The following SCYL2 variants were observed in gnomAD, a reference collection of about 807,000 sequenced individuals.
SCYL2 encodes SCY1-like protein 2.
SCYL2 carries 36 observed loss-of-function variants against 100.4 expected under a neutral mutation model. That is an observed-to-expected ratio of 0.36 (90% CI 0.27 to 0.47). SCYL2 has a LOEUF of 0.47. SCYL2 is among the 20% of genes least tolerant of loss of function. The pLI is 1.00. For synonymous variants in SCYL2, 330 were observed against 359.2 expected (o/e 0.92, Z 0.92); for missense variants, 902 against 1,083.9 (o/e 0.83, Z 2.36).
chr12:100,317,627 C>G, intron 9 of SCYL2, 176 bp from the exon 10 acceptor site: 2 of 1,371,294 alleles, frequency 1.5e-6, no homozygotes, highest in Non-Finnish European at 1.9e-6. Context: ...AAATATTGTG[C>G]CTCCAGAAAT....
intron 12 of SCYL2, among the ~76,000 whole-genome samples, chr12:100,327,542 T>C (rs1019774688): frequency 1.3e-5 from 2 of 150,506 alleles, no homozygotes; most frequent in Non-Finnish European, 3.0e-5. Context: ...TGAGATGGAG[T>C]CTCATTCTGT....
rs1448901684 is a variant in SCYL2, at chr12:100,312,518, T to C, written c.717T>C (p.Leu239=). 6.2e-7 allele frequency: 1 copy of C among 1,613,716 alleles called. No individual in the cohort carries two copies. Among genetic ancestry groups the C allele is most frequent in the Non-Finnish European group, 8.5e-7 (1 of 1,179,828 alleles). The change falls in exon 6 of 18, where the codon CTT becomes CTC. Residue 239 remains leucine (L), a synonymous_variant. Coordinates refer to ENST00000360820, the MANE Select transcript of SCYL2 (RefSeq NM_017988.6). The part of the protein sequence containing the change: ...NPEYLAPEYI[L]SVSCETASDM... Reference sequence around the variant, plus strand: ...AATATTTGGCTCCTGAATACATACTTTCTGTGAGCTGTGAAACAGCCAGTG... The same window carrying C: ...AATATTTGGCTCCTGAATACATACTCTCTGTGAGCTGTGAAACAGCCAGTG...
chr12:100,270,039 T>G (rs1477514530), intron 1 of SCYL2, among the ~76,000 whole-genome samples: 2 of 151,378 alleles, frequency 1.3e-5, no homozygotes, highest in East Asian at 3.9e-4. Context: ...CAGGCTGGAG[T>G]GCCGTGGCGC....
intron 10 of SCYL2, among the ~76,000 whole-genome samples, chr12:100,320,394 A>G (rs1300576292): frequency 6.6e-6 from 1 of 151,966 alleles, no homozygotes; most frequent in Non-Finnish European, 1.5e-5. Context: ...AAAAAATACA[A>G]AAATTAGCTG....
intron 10 of SCYL2, 71 bp from the exon 11 acceptor site, chr12:100,323,454 C>T: frequency 2.2e-6 from 2 of 926,536 alleles, no homozygotes; most frequent in South Asian, 1.5e-5. Context: ...CATGCAAATG[C>T]AAAACTTTGT....
In SCYL2 at chr12:100,267,230, C is replaced by G; in HGVS notation, c.-591C>G. The stretch of plus-strand genomic sequence containing the variant: ...TCCCCGGTCCCTCCCCTCCCCACCC[C>G]TTTCCTTCTAGCTCCGACGTTTGCG... On this transcript the variant is annotated 5_prime_UTR_variant, in exon 1 of 18. Coordinates refer to ENST00000360820, the MANE Select transcript of SCYL2 (RefSeq NM_017988.6). 1.3e-6 allele frequency: 1 copy of G among 788,042 alleles called. No individual in the cohort carries two copies. Among genetic ancestry groups the G allele is most frequent in the African/African-American group, 1.7e-5 (1 of 57,298 alleles). 48.8% of individuals were successfully genotyped at this position (788,042 alleles called of 1,614,324 possible).
chr12:100,273,038 T>G (rs1368859760), intron 1 of SCYL2, among the ~76,000 whole-genome samples: 1 of 152,178 alleles, frequency 6.6e-6, no homozygotes, highest in Non-Finnish European at 1.5e-5. Flanking sequence ...ATTGAAGTTC[T>G]CTTCAGTCTT....
chr12:100,323,577 C>G lies in SCYL2; in HGVS notation c.1448C>G (p.Ser483Cys). The stretch of plus-strand genomic sequence containing the variant: ...TTTGCAAATCTTATAGACTACCCAT[C>G]CATGAAAAACGCTTTGATACCAAGA... ...PTFANLIDYP[S>C]MKNALIPRIK... is the part of the protein sequence containing the mutation. The change falls in exon 11 of 18, where the codon TCC becomes TGC. Residue 483 changes from serine to cysteine, a missense_variant. Ser to Cys is a moderately radical substitution (Grantham distance 112). Coordinates refer to ENST00000360820, the MANE Select transcript of SCYL2 (RefSeq NM_017988.6). 2 of 1,607,156 alleles carry G rather than the reference C, an allele frequency of 1.2e-6. No individual in the cohort carries two copies. The highest frequency in any genetic ancestry group is 1.7e-6 in the Non-Finnish European group (2 of 1,176,352).
At chr12:100,283,306 A>C (rs2096300902) in intron 2 of SCYL2, among the ~76,000 whole-genome samples, 159 bp downstream of exon 2, 1 of 152,228 alleles carries the variant, frequency 6.6e-6, no homozygotes. Flanking sequence ...ATACAAAAAA[A>C]CAAATGCTTT....
At chr12:100,313,269 G>A (rs570714047) in intron 6 of SCYL2, among the ~76,000 whole-genome samples, 153 bp from the exon 7 acceptor site, 1 of 152,238 alleles carries the variant, frequency 6.6e-6, no homozygotes, top group South Asian at 2.1e-4. Context: ...AAAGATAAGG[G>A]TTTTGTTTTG....
At chr12:100,272,952 T>C (rs1388483909) in intron 1 of SCYL2, among the ~76,000 whole-genome samples, 1 of 152,212 alleles carries the variant, frequency 6.6e-6, no homozygotes, top group Non-Finnish European at 1.5e-5. Context: ...CCATCTCTTC[T>C]CTATCTTCCT....
intron 2 of SCYL2, among the ~76,000 whole-genome samples, chr12:100,288,106 A>C (rs1045599690): frequency 6.6e-6 from 1 of 152,224 alleles, no homozygotes; most frequent in Non-Finnish European, 1.5e-5. Flanking sequence ...GGCTTTGTAC[A>C]GTGTAATAGT....
In SCYL2 at chr12:100,283,543, A is replaced by G. The variant is rs186418772; in HGVS notation, c.177+396A>G. Among the ~76,000 whole-genome samples the G allele has an allele frequency of 5.6e-4, 86 of 152,272 alleles. 1 individual carries two copies. In the South Asian group the frequency reaches 0.01, roughly 18 times the overall value. ...GCAAAATACCCAGTTAAATTTTTCA[A>G]CGTTAAGTGCGTCTTAGTGCAGTCA... is the stretch of plus-strand genomic sequence containing the variant. On this transcript the variant is annotated intron_variant, in intron 2 of 17. Coordinates refer to ENST00000360820, the MANE Select transcript of SCYL2 (RefSeq NM_017988.6).
At chr12:100,299,572 CTA>C (rs758316311) in intron 4 of SCYL2, among the ~76,000 whole-genome samples, 103 of 152,288 alleles carry the variant, frequency 6.8e-4, no homozygotes, top group Non-Finnish European at 1.3e-3. Context: ...CTTTCTATCA[CTA>C]TGGGTAGATT....
chr12:100,312,452 A>G lies in SCYL2; in HGVS notation c.651A>G (p.Glu217=). Residue 217 remains glutamate (E), a synonymous_variant, in exon 6 of 18, where the codon GAA becomes GAG. Coordinates refer to ENST00000360820, the MANE Select transcript of SCYL2 (RefSeq NM_017988.6). Reference sequence around the variant, plus strand: ...TACAGCCTAAATTTCCTTGTAAAGAATGGGACCCAAATTTACCTTCATTGT... The same window carrying G: ...TACAGCCTAAATTTCCTTGTAAAGAGTGGGACCCAAATTTACCTTCATTGT... ...SEQEPKFPCK[E]WDPNLPSLCL... 2.5e-6 allele frequency: 4 copies of G among 1,612,582 alleles called. No individual in the cohort carries two copies. Among genetic ancestry groups the G allele is most frequent in the Non-Finnish European group, 3.4e-6 (4 of 1,179,732 alleles).
intron 1 of SCYL2, among the ~76,000 whole-genome samples, chr12:100,278,690 C>T (rs868666480): frequency 4.9e-5 from 7 of 142,698 alleles, no homozygotes; most frequent in Admixed American, 1.5e-4. Flanking sequence ...AGTGCAGTGG[C>T]GTGATCTCGG....
chr12:100,289,780 ATAT>A (rs1272587005), intron 2 of SCYL2, among the ~76,000 whole-genome samples: 1 of 152,154 alleles, frequency 6.6e-6, no homozygotes, highest in Non-Finnish European at 1.5e-5. Flanking sequence ...GATCACTGTT[ATAT>A]TCTTATGCTG....
intron 1 of SCYL2, among the ~76,000 whole-genome samples, chr12:100,281,019 G>GTTTTGTTTTTT (rs2096297553): frequency 7.9e-5 from 4 of 50,492 alleles, no homozygotes; most frequent in African/African-American, 2.8e-4. Flanking sequence ...TACCATCAGT[G>GTTTTGTTTTTT]TTTTTTTTTT....
At chr12:100,338,463 A>G (rs1952308313) in intron 17 of SCYL2, 65 bp from the exon 18 acceptor site, 2 of 1,300,726 alleles carry the variant, frequency 1.5e-6, no homozygotes, top group African/African-American at 1.5e-5. Flanking sequence ...AATCTGTCAA[A>G]TGTTTACTAA....
Sources: allele counts gnomAD v4.1 joint callset (sites outside exome capture counted in the v4.1 genomes callset), GRCh38; gene constraint gnomAD v4.1.1; transcripts MANE v1.5; gene names NCBI Gene and HGNC (gene_info 2026-07-23, HGNC 2026-07-21).